The following HS3ST3B1 variants were observed in gnomAD, a reference collection of about 807,000 sequenced individuals.
HS3ST3B1 encodes heparan sulfate-glucosamine 3-sulfotransferase 3B1.
Under a neutral mutation model 21.3 loss-of-function variants are expected in HS3ST3B1, and 13 were observed. The ratio of observed to expected loss-of-function variants is 0.61; its 90% CI spans 0.40 to 0.97. HS3ST3B1 has a LOEUF of 0.97. Among genes scored for constraint, HS3ST3B1 ranks in the 50% least tolerant of loss-of-function variants. The probability of loss-of-function intolerance (pLI) is 0.00; values close to 1 mark genes in which losing one functional copy is unlikely to be tolerated. For synonymous variants in HS3ST3B1, 234 were observed against 254.8 expected (o/e 0.92, Z 0.78); for missense variants, 459 against 554.8 (o/e 0.83, Z 1.73).
intron 1 of HS3ST3B1, among the ~76,000 whole-genome samples, chr17:14,334,045 G>A (rs1478778819): frequency 1.3e-5 from 2 of 152,306 alleles, no homozygotes; most frequent in Admixed American, 6.5e-5. Flanking sequence ...ACAGGCGTGA[G>A]CCACCGCGCC....
chr17:14,303,691 G>T lies in HS3ST3B1; in HGVS notation c.554+1619G>T, dbSNP rs761823459. 6.6e-6 allele frequency among the ~76,000 whole-genome samples: 1 copy of T among 152,082 alleles called. No individual in the cohort carries two copies. The highest frequency in any genetic ancestry group is 1.5e-5 in the Non-Finnish European group (1 of 68,026). The stretch of plus-strand genomic sequence containing the variant: ...GTAAGGTGCCTCGCAGGCACGTGAG[G>T]GCCTCTCTAATCGTTAGCTATTGTC... On this transcript the variant is annotated intron_variant, in intron 1 of 1. Transcript: ENST00000360954. The surrounding 1 kb of genome is among the most constrained non-coding windows in gnomAD (Gnocchi z 5.7).
chr17:14,338,038 G>A (rs1237832163), intron 1 of HS3ST3B1, among the ~76,000 whole-genome samples: 2 of 151,784 alleles, frequency 1.3e-5, no homozygotes, highest in Non-Finnish European at 2.9e-5. Flanking sequence ...TTCAATGGGT[G>A]TGGGGAGGGG....
chr17:14,343,474 G>A (rs535372490), intron 1 of HS3ST3B1, among the ~76,000 whole-genome samples: 1 of 152,214 alleles, frequency 6.6e-6, no homozygotes, highest in South Asian at 2.1e-4. Flanking sequence ...TCAACATCTT[G>A]TCTTTCATCA....
chr17:14,335,172 G>C (rs1449786953), intron 1 of HS3ST3B1, among the ~76,000 whole-genome samples: 1 of 152,086 alleles, frequency 6.6e-6, no homozygotes, highest in Non-Finnish European at 1.5e-5. Context: ...TATAGATGAG[G>C]AAGCTGAGGC....
At chr17:14,335,338 C>CAGAT (rs1450444710) in intron 1 of HS3ST3B1, among the ~76,000 whole-genome samples, 3 of 151,956 alleles carry the variant, frequency 2.0e-5, no homozygotes, top group Admixed American at 6.6e-5. Flanking sequence ...CGATTAGGAG[C>CAGAT]AGATATCTTC....
In HS3ST3B1 at chr17:14,347,298, CA is replaced by C. The variant is rs1910608851; in HGVS notation, c.*1653del. The C allele has an allele frequency of 1.3e-5, 2 of 152,220 alleles. No homozygotes were observed. The highest frequency in any genetic ancestry group is 4.1e-4 in the South Asian group (2 of 4,836). 9.4% of individuals were successfully genotyped at this position (152,220 alleles called of 1,614,324 possible). ...CCCGTGCCTCTCTGTTGATTTATAACAGTTGGGTAACCAGATAGCAATATAG... is the reference window on the plus strand; with the variant it reads ...CCCGTGCCTCTCTGTTGATTTATAACGTTGGGTAACCAGATAGCAATATAG... On this transcript the variant is annotated 3_prime_UTR_variant, in exon 2 of 2. Coordinates refer to ENST00000360954, the MANE Select transcript of HS3ST3B1 (RefSeq NM_006041.3).
chr17:14,331,243 C>A (rs1022163349), intron 1 of HS3ST3B1, among the ~76,000 whole-genome samples: 2 of 151,992 alleles, frequency 1.3e-5, no homozygotes, highest in African/African-American at 4.8e-5. Flanking sequence ...AGGAGCAGTA[C>A]CCCAGAGAGC....
At chr17:14,313,454 C>T (rs1193901029) in intron 1 of HS3ST3B1, among the ~76,000 whole-genome samples, 1 of 152,170 alleles carries the variant, frequency 6.6e-6, no homozygotes. Flanking sequence ...TAATTTAGCT[C>T]TTCCTACACA....
intron 1 of HS3ST3B1, chr17:14,329,367 A>AGGAAGG (rs1340394610): frequency 1.2e-3 from 126 of 106,206 alleles, no homozygotes; most frequent in African/African-American, 4.2e-3. Context: ...GAAAGAAAGA[A>AGGAAGG]AAGGAAGGAA....
intron 1 of HS3ST3B1, among the ~76,000 whole-genome samples, chr17:14,310,770 T>C (rs1567636455): frequency 6.6e-6 from 1 of 152,156 alleles, no homozygotes; most frequent in Non-Finnish European, 1.5e-5. Context: ...CTGTCGGGCT[T>C]GTCCCTGGTG....
At chr17:14,336,138 T>C (rs2142348823) in intron 1 of HS3ST3B1, among the ~76,000 whole-genome samples, 1 of 152,348 alleles carries the variant, frequency 6.6e-6, no homozygotes, top group African/African-American at 2.4e-5. Flanking sequence ...CTTGGAAGAC[T>C]GGGCCTACCC....
At chr17:14,329,548 GA>G (rs1909937002) in intron 1 of HS3ST3B1, 1 of 151,190 alleles carries the variant, frequency 6.6e-6, no homozygotes, top group Non-Finnish European at 1.5e-5. Context: ...AAAGAAGAAA[GA>G]AAAGGAAAGA....
chr17:14,307,745 G>A (rs1003062747), intron 1 of HS3ST3B1, among the ~76,000 whole-genome samples: 2 of 152,194 alleles, frequency 1.3e-5, no homozygotes, highest in African/African-American at 4.8e-5. Flanking sequence ...TATGAACATG[G>A]AAATTAAGTT....
chr17:14,313,406 G>A (rs1402063991), intron 1 of HS3ST3B1, among the ~76,000 whole-genome samples: 1 of 151,810 alleles, frequency 6.6e-6, no homozygotes, highest in Admixed American at 6.6e-5. Flanking sequence ...TGTATGCATT[G>A]CTTCTCTGCA....
chr17:14,322,560 T>C (rs1385450060), intron 1 of HS3ST3B1, among the ~76,000 whole-genome samples: 1 of 152,184 alleles, frequency 6.6e-6, no homozygotes, highest in African/African-American at 2.4e-5. Context: ...TCTTTGCGAC[T>C]TCACAAAACT....
rs1189448056 is a variant in HS3ST3B1, at chr17:14,303,071, G to C, written c.554+999G>C. ...CCGCAGCTGCTGGTCTTTGGGGTGA[G>C]CTGTTGGGTTGCCCGAGCTTCGGGT... On this transcript the variant is annotated intron_variant, in intron 1 of 1. Coordinates refer to ENST00000360954, the MANE Select transcript of HS3ST3B1 (RefSeq NM_006041.3). The surrounding 1 kb of genome is among the most constrained non-coding windows in gnomAD (Gnocchi z 5.7). 2.0e-5 allele frequency among the ~76,000 whole-genome samples: 3 copies of C among 152,282 alleles called. No homozygotes were observed. The East Asian group carries it at 5.8e-4, about 30-fold the overall frequency.
chr17:14,334,792 A>G (rs1910140089), intron 1 of HS3ST3B1, among the ~76,000 whole-genome samples: 1 of 151,794 alleles, frequency 6.6e-6, no homozygotes, highest in South Asian at 2.1e-4. Flanking sequence ...CCCTCACCCA[A>G]CCCCCAGGAT....
In HS3ST3B1 at chr17:14,347,740, TTC is replaced by T. The variant is rs561389792; in HGVS notation, c.*2096_*2097del. On this transcript the variant is annotated 3_prime_UTR_variant, in exon 2 of 2. Transcript: ENST00000360954. ...AGCAGCCAAACCATCATTGTGTAGG[TTC>T]TGTTTTGGAGGAAGCTCATGGGGGA... The T allele has an allele frequency of 2.2e-4, 33 of 152,278 alleles. No individual in the cohort carries two copies. The highest frequency in any genetic ancestry group is 4.1e-4 in the Non-Finnish European group (28 of 68,028). 9.4% of individuals were successfully genotyped at this position (152,278 alleles called of 1,614,324 possible).
In HS3ST3B1 at chr17:14,303,012, C is replaced by T. The variant is rs937179371; in HGVS notation, c.554+940C>T. On this transcript the variant is annotated intron_variant, in intron 1 of 1. Coordinates refer to ENST00000360954, the MANE Select transcript of HS3ST3B1 (RefSeq NM_006041.3). The surrounding 1 kb of genome is among the most constrained non-coding windows in gnomAD (Gnocchi z 5.7). ...TCAGGTTCCAAAGGGACAGTGGCCCCGGGGTCACAATCACTACCTCTGCCC... is the reference window on the plus strand; with the variant it reads ...TCAGGTTCCAAAGGGACAGTGGCCCTGGGGTCACAATCACTACCTCTGCCC... 3.9e-5 allele frequency among the ~76,000 whole-genome samples: 6 copies of T among 152,184 alleles called. No homozygotes were observed. The highest frequency in any genetic ancestry group is 7.2e-5 in the African/African-American group (3 of 41,446).
Sources: gnomAD v4.1 joint callset for allele counts (sites outside exome capture counted in the v4.1 genomes callset) on GRCh38, gnomAD v4.1.1 for gene constraint, Gnocchi (gnomAD v3.1) non-coding constraint, MANE v1.5 for transcripts, NCBI Gene and HGNC (gene_info 2026-07-23, HGNC 2026-07-21) for gene names.